CFAP299: variants seen among roughly 807,000 people sequenced by gnomAD.
The protein encoded by CFAP299 is cilia and flagella associated protein 299.
CFAP299 carries 21 observed loss-of-function variants against 27.0 expected under a neutral mutation model. The observed-to-expected ratio is 0.78, with a 90% CI of 0.55 to 1.12. The LOEUF (loss-of-function observed/expected upper bound fraction) is 1.12, where lower values mean the gene tolerates loss of function less well. Among genes scored for constraint, CFAP299 ranks in the 50% most tolerant of loss-of-function variants. The pLI is 0.00. For synonymous variants in CFAP299, 104 were observed against 98.1 expected (o/e 1.06, Z -0.36); for missense variants, 310 against 276.6 (o/e 1.12, Z -0.86).
At chr4:80,376,139 CT>C (rs1430518661) in intron 2 of CFAP299, among the ~76,000 whole-genome samples, 1 of 151,790 alleles carries the variant, frequency 6.6e-6, no homozygotes. Flanking sequence ...ATAGTTTTGC[CT>C]TTTTTTTAGA....
chr4:80,432,618 C>T (rs1329120987), intron 2 of CFAP299, among the ~76,000 whole-genome samples: 4 of 148,356 alleles, frequency 2.7e-5, no homozygotes, highest in African/African-American at 9.9e-5. Context: ...CTGCAAGCTC[C>T]GCCTCCCAGG....
intron 3 of CFAP299, among the ~76,000 whole-genome samples, chr4:80,718,728 A>G (rs1722634020): frequency 6.6e-6 from 1 of 152,140 alleles, no homozygotes; most frequent in Non-Finnish European, 1.5e-5. Context: ...TTTCACCTGT[A>G]AATTAAAAAT....
At chr4:80,918,566 A>G (rs1481240287) in intron 4 of CFAP299, among the ~76,000 whole-genome samples, 2 of 152,116 alleles carry the variant, frequency 1.3e-5, no homozygotes, top group African/African-American at 4.8e-5. Flanking sequence ...GAGAGAACAT[A>G]CACGTATTTG....
At chr4:80,478,059 C>T (rs992965050) in intron 2 of CFAP299, among the ~76,000 whole-genome samples, 2 of 152,162 alleles carry the variant, frequency 1.3e-5, no homozygotes, top group Admixed American at 6.5e-5. Flanking sequence ...CATTATTGCT[C>T]ATTTACTCCC....
At position 80,643,792 on chromosome 4, in the gene CFAP299, GT is replaced by G. The variant is rs367609594; in HGVS notation, c.333+60615del. 4.6e-3 allele frequency among the ~76,000 whole-genome samples: 696 copies of G among 152,188 alleles called. 9 individuals carry two copies. Among genetic ancestry groups the G allele is most frequent in the African/African-American group, 0.016 (671 of 41,524 alleles). On this transcript the variant is annotated intron_variant, in intron 3 of 5. Transcript: ENST00000358105. Reference sequence around the variant, plus strand: ...AATCAAGGAAATTAGCTGAGAATGAGTTTTTTGTATAACTTCTATCAATAAT... The same window carrying G: ...AATCAAGGAAATTAGCTGAGAATGAGTTTTTGTATAACTTCTATCAATAAT...
At chr4:80,678,654 G>C (rs555141520) in intron 3 of CFAP299, among the ~76,000 whole-genome samples, 1 of 151,946 alleles carries the variant, frequency 6.6e-6, no homozygotes, top group African/African-American at 2.4e-5. Context: ...TCCTGGCAGT[G>C]TTCAATCTAA....
chr4:80,634,281 C>T (rs963931973), intron 3 of CFAP299, among the ~76,000 whole-genome samples: 1 of 152,002 alleles, frequency 6.6e-6, no homozygotes, highest in Non-Finnish European at 1.5e-5. Context: ...CGCACATGGC[C>T]GAGAAAACTC....
At chr4:80,778,308 T>G (rs565594234) in intron 3 of CFAP299, among the ~76,000 whole-genome samples, 1 of 152,130 alleles carries the variant, frequency 6.6e-6, no homozygotes, top group Non-Finnish European at 1.5e-5. Context: ...AATTCTTATT[T>G]TATACCTGTA....
At chr4:80,890,331 A>G (rs1442013596) in intron 4 of CFAP299, among the ~76,000 whole-genome samples, 1 of 152,180 alleles carries the variant, frequency 6.6e-6, no homozygotes, top group Non-Finnish European at 1.5e-5. Flanking sequence ...TTATATACCA[A>G]CAGTGAACAA....
At chr4:80,422,638 G>A (rs1236635832) in intron 2 of CFAP299, among the ~76,000 whole-genome samples, 1 of 152,110 alleles carries the variant, frequency 6.6e-6, no homozygotes. Flanking sequence ...TACTCATAGT[G>A]AGTATACTTA....
chr4:80,782,646 A>G (rs1182935532), intron 3 of CFAP299, among the ~76,000 whole-genome samples: 3 of 118,036 alleles, frequency 2.5e-5, no homozygotes, highest in African/African-American at 3.3e-5. Flanking sequence ...ATATACATAT[A>G]TGAATATATA....
intron 3 of CFAP299, among the ~76,000 whole-genome samples, chr4:80,669,874 T>A (rs866613806): frequency 6.6e-6 from 1 of 152,062 alleles, no homozygotes; most frequent in South Asian, 2.1e-4. Context: ...TCCCAACTCA[T>A]TAAGGGTTTT....
chr4:80,576,628 T>C (rs1735880940), intron 2 of CFAP299, among the ~76,000 whole-genome samples: 1 of 152,290 alleles, frequency 6.6e-6, no homozygotes, highest in African/African-American at 2.4e-5. Flanking sequence ...AGCTATGTTT[T>C]CATAGATGTG....
chr4:80,935,162 C>T (rs1182019490), intron 4 of CFAP299, among the ~76,000 whole-genome samples: 2 of 151,998 alleles, frequency 1.3e-5, no homozygotes, highest in Non-Finnish European at 2.9e-5. Flanking sequence ...TTGATTTCCA[C>T]AAAGTTTTGA....
intron 4 of CFAP299, among the ~76,000 whole-genome samples, chr4:80,933,045 T>G (rs1032751223): frequency 3.3e-5 from 5 of 152,184 alleles, no homozygotes; most frequent in African/African-American, 1.2e-4. Context: ...GTGAAATATA[T>G]GTATACGTTT....
At chr4:80,749,313 G>A (rs932827053) in intron 3 of CFAP299, among the ~76,000 whole-genome samples, 1 of 151,634 alleles carries the variant, frequency 6.6e-6, no homozygotes, top group South Asian at 2.1e-4. Context: ...TTTTTGTCTT[G>A]GTTTCCTGTG....
intron 3 of CFAP299, among the ~76,000 whole-genome samples, chr4:80,717,515 T>C (rs140125955): frequency 2.0e-5 from 3 of 152,248 alleles, no homozygotes; most frequent in East Asian, 3.9e-4. Context: ...CAACTACTGG[T>C]AGAAAAAACA....
chr4:80,384,663 G>A (rs1165223809), intron 2 of CFAP299, among the ~76,000 whole-genome samples: 1 of 152,106 alleles, frequency 6.6e-6, no homozygotes. Context: ...TAAATTGAAG[G>A]AAGGAAGGAA....
intron 3 of CFAP299, among the ~76,000 whole-genome samples, chr4:80,764,970 A>G (rs905225111): frequency 1.8e-4 from 27 of 152,098 alleles, no homozygotes; most frequent in Non-Finnish European, 2.9e-5. Flanking sequence ...GGATAGCATA[A>G]GGACAAATAC....
Sources: allele counts gnomAD v4.1 joint callset (sites outside exome capture counted in the v4.1 genomes callset), GRCh38; gene constraint gnomAD v4.1.1; transcripts MANE v1.5; gene names NCBI Gene and HGNC (gene_info 2026-07-23, HGNC 2026-07-21).